Variants in BTBD1 observed in about 807,000 individuals in gnomAD.
BTBD1 encodes the protein BTB domain containing 1, also known as BTB/POZ domain-containing protein 1.
A neutral mutation model predicts 48.0 loss-of-function variants in BTBD1; 34 were observed. That is an observed-to-expected ratio of 0.71 (90% CI 0.54 to 0.94). The LOEUF (loss-of-function observed/expected upper bound fraction) is 0.94. Among genes scored for constraint, BTBD1 ranks in the 40% least tolerant of loss-of-function variants. The pLI, the probability that BTBD1 is intolerant of heterozygous loss-of-function variation, is 0.00. For synonymous variants in BTBD1, 261 were observed against 242.1 expected (o/e 1.08, Z -0.72); for missense variants, 543 against 625.6 (o/e 0.87, Z 1.41).
chr15:83,039,504 G>A (rs2041116569), intron 4 of BTBD1, among the ~76,000 whole-genome samples: 1 of 152,168 alleles, frequency 6.6e-6, no homozygotes, highest in Non-Finnish European at 1.5e-5. Context: ...TGGGCACAGT[G>A]GCTCATGTCT....
At chr15:83,038,430 C>A (rs2032673272) in intron 4 of BTBD1, among the ~76,000 whole-genome samples, 1 of 152,154 alleles carries the variant, frequency 6.6e-6, no homozygotes, top group South Asian at 2.1e-4. Flanking sequence ...ACATTATATG[C>A]TCGTGGATTG....
intron 5 of BTBD1, among the ~76,000 whole-genome samples, chr15:83,027,706 T>C (rs1596425593): frequency 6.6e-6 from 1 of 152,338 alleles, no homozygotes; most frequent in Middle Eastern, 3.4e-3. Flanking sequence ...TTTCAGCCAG[T>C]AGGCAAGTTC....
chr15:83,019,623 C>G (rs1371683772), intron 6 of BTBD1, among the ~76,000 whole-genome samples: 1 of 142,740 alleles, frequency 7.0e-6, no homozygotes, highest in Non-Finnish European at 1.5e-5. Flanking sequence ...GAGTCTCACT[C>G]TGTAGCCCTG....
intron 3 of BTBD1, among the ~76,000 whole-genome samples, chr15:83,046,732 T>C (rs1278548490): frequency 3.3e-5 from 5 of 152,188 alleles, no homozygotes; most frequent in Admixed American, 1.3e-4. Flanking sequence ...GGCTCTCAAA[T>C]ATCCAGTACT....
rs1185990068 is a variant in BTBD1, at chr15:83,066,668, C to G, written c.401+83G>C. 4.8e-6 allele frequency: 6 copies of G among 1,262,636 alleles called. No individual in the cohort carries two copies. In the South Asian group the frequency reaches 1.7e-4, roughly 35 times the overall value. 78.2% of individuals were successfully genotyped at this position (1,262,636 alleles called of 1,614,324 possible). On this transcript the variant is annotated intron_variant, in intron 1 of 7. Coordinates refer to ENST00000261721, the MANE Select transcript of BTBD1 (RefSeq NM_025238.4). Reference sequence around the variant, plus strand: ...GCCCAGCCCAAGGTCATCCGGGAGTCCGGGTAGGCCGGGCCCCGGGGATCT... The same window carrying G: ...GCCCAGCCCAAGGTCATCCGGGAGTGCGGGTAGGCCGGGCCCCGGGGATCT...
chr15:83,067,065 G>GGGC lies in BTBD1; in HGVS notation c.84_86dup (p.Pro29dup), dbSNP rs770368255. Reference sequence around the variant, plus strand: ...GCAGGGGCCCCAGAGAGGACGGTGAGGGCGGCGGCGGCGGCCCCGCGGGGC... The same window carrying GGGC: ...GCAGGGGCCCCAGAGAGGACGGTGAGGGCGGCGGCGGCGGCGGCCCCGCGGGGC... On this transcript the variant is annotated inframe_insertion, in exon 1 of 8. Coordinates refer to ENST00000261721, the MANE Select transcript of BTBD1 (RefSeq NM_025238.4). The GGGC allele has an allele frequency of 3.3e-5, 52 of 1,559,802 alleles. No homozygotes were observed. In the South Asian group the frequency reaches 4.8e-4, roughly 14 times the overall value.
rs1296741540 is a variant in BTBD1 at position 83,020,669 on chromosome 15, CTG to C, written c.1143+4_1143+5del. 2 of 1,555,882 alleles carry C rather than the reference CTG, an allele frequency of 1.3e-6. No individual in the cohort carries two copies. The highest frequency in any genetic ancestry group is 1.1e-5 in the South Asian group (1 of 87,950). On this transcript the variant is annotated splice_donor_5th_base_variant and intron_variant, in intron 6 of 7. Transcript: ENST00000261721. ...AAATGATATATGGTGGGGGAGGAAA[CTG>C]TACCTGTATATTCACTTGATAATCT...
chr15:83,045,389 C>A (rs1404089951), intron 3 of BTBD1, among the ~76,000 whole-genome samples: 1 of 151,982 alleles, frequency 6.6e-6, no homozygotes, highest in African/African-American at 2.4e-5. Flanking sequence ...CCCAGCTACT[C>A]GGGATGCTGG....
chr15:83,018,304 T>G (rs1325194194), intron 7 of BTBD1, 79 bp from the exon 8 acceptor site: 17 of 1,149,266 alleles, frequency 1.5e-5, no homozygotes, highest in Non-Finnish European at 1.8e-5. Flanking sequence ...ATTAGATTAA[T>G]GTTCCATTAT....
At chr15:83,047,852 A>G (rs2032908254) in intron 3 of BTBD1, among the ~76,000 whole-genome samples, 1 of 152,196 alleles carries the variant, frequency 6.6e-6, no homozygotes, top group African/African-American at 2.4e-5. Flanking sequence ...CAGGCCTTGT[A>G]TTACTGTGAG....
chr15:83,047,276 C>T (rs986768430), intron 3 of BTBD1, among the ~76,000 whole-genome samples: 1 of 152,174 alleles, frequency 6.6e-6, no homozygotes, highest in Non-Finnish European at 1.5e-5. Flanking sequence ...AACACGGTAT[C>T]TAATTAAGTA....
chr15:83,036,103 C>CA (rs563839312), intron 4 of BTBD1, among the ~76,000 whole-genome samples: 14,758 of 74,894 alleles, frequency 0.2, 1,172 homozygotes, highest in Middle Eastern at 0.35. Flanking sequence ...GTATCATTAC[C>CA]AAAAAAAAAA....
At chr15:83,055,995 C>T (rs538455303) in intron 2 of BTBD1, among the ~76,000 whole-genome samples, 76 of 151,012 alleles carry the variant, frequency 5.0e-4, no homozygotes, top group South Asian at 2.1e-4. Flanking sequence ...GTGTCTGCCC[C>T]GCCACCCCAA....
intron 5 of BTBD1, among the ~76,000 whole-genome samples, chr15:83,023,552 T>A (rs1036602089): frequency 5.3e-5 from 8 of 151,980 alleles, no homozygotes; most frequent in East Asian, 1.9e-4. Context: ...GCTAATTTTT[T>A]AAAAATTATT....
chr15:83,052,347 T>A (rs2033003623), intron 2 of BTBD1, among the ~76,000 whole-genome samples: 1 of 152,178 alleles, frequency 6.6e-6, no homozygotes, highest in African/African-American at 2.4e-5. Flanking sequence ...CCCAAAGTGC[T>A]GGGATTTTTG....
chr15:83,018,030 A>G lies in BTBD1; in HGVS notation c.*37T>C, dbSNP rs1745257280. The G allele has an allele frequency of 2.8e-6, 4 of 1,428,762 alleles. No individual in the cohort carries two copies. The highest frequency in any genetic ancestry group is 1.4e-5 in the South Asian group (1 of 69,880). The allele number at this position is 1,428,762 out of a possible 1,614,324, so 88.5% of individuals were successfully genotyped here. A position where few individuals can be genotyped will look rare whatever the true frequency, so the allele number is the denominator to read the frequency against. ...ATTTATGTTTTTGACACTAGATTGT[A>G]TGGTATTATTTAGCCAAGATGTATT... is the stretch of plus-strand genomic sequence containing the variant. On this transcript the variant is annotated 3_prime_UTR_variant, in exon 8 of 8. Coordinates refer to ENST00000261721, the MANE Select transcript of BTBD1 (RefSeq NM_025238.4).
chr15:83,042,279 T>A (rs1012494285), intron 3 of BTBD1, among the ~76,000 whole-genome samples: 3 of 149,786 alleles, frequency 2.0e-5, no homozygotes, highest in Non-Finnish European at 4.4e-5. Context: ...GTCTACAGAT[T>A]ATAATTCATT....
chr15:83,030,443 A>G, intron 4 of BTBD1, 115 bp from the exon 5 acceptor site: 3 of 788,812 alleles, frequency 3.8e-6, no homozygotes, highest in Non-Finnish European at 6.2e-6. Flanking sequence ...TAGGGGAAAA[A>G]AATCTTAGCA....
intron 4 of BTBD1, among the ~76,000 whole-genome samples, chr15:83,033,499 C>A (rs1389825648): frequency 3.9e-5 from 6 of 152,062 alleles, no homozygotes; most frequent in Admixed American, 2.0e-4. Context: ...ATAGTAGCAC[C>A]AAAGGCTAGA....
Sources: allele counts gnomAD v4.1 joint callset (sites outside exome capture counted in the v4.1 genomes callset), GRCh38; gene constraint gnomAD v4.1.1; transcripts MANE v1.5; gene names NCBI Gene and HGNC (gene_info 2026-07-23, HGNC 2026-07-21).